The following USP20 variants were observed in gnomAD, a reference collection of about 807,000 sequenced individuals.
The protein encoded by USP20 is ubiquitin carboxyl-terminal hydrolase 20.
In USP20, 80 loss-of-function variants were observed where a neutral mutation model predicts 124.2. The observed-to-expected ratio is 0.64, with a 90% CI of 0.54 to 0.78. The LOEUF is 0.78. USP20 is among the 30% of genes least tolerant of loss of function. The pLI is 0.00. For synonymous variants in USP20, 481 were observed against 512.3 expected (o/e 0.94, Z 0.83); for missense variants, 1,043 against 1,244.4 (o/e 0.84, Z 2.44).
chr9:129,863,845 C>T (rs2417152), intron 9 of USP20, among the ~76,000 whole-genome samples: 131,274 of 151,960 alleles, frequency 0.86, 57,062 homozygotes, highest in East Asian at 0.98. Context: ...CAGTGGCTCA[C>T]GCCTGTAATC....
intron 1 of USP20, among the ~76,000 whole-genome samples, chr9:129,838,097 A>G (rs2031971143): frequency 6.7e-6 from 1 of 149,442 alleles, no homozygotes; most frequent in Non-Finnish European, 1.5e-5. Flanking sequence ...GCTGGAGTGC[A>G]GTGGTGCGAT....
In USP20 at chr9:129,870,538, G is replaced by T. The variant is rs751079542; in HGVS notation, c.1651G>T (p.Glu551Ter). The T allele has an allele frequency of 2.5e-5, 41 of 1,613,992 alleles. No homozygotes were observed. The highest frequency in any genetic ancestry group is 4.0e-5 in the African/African-American group (3 of 74,930). ...DCLAAFFAAD[E>*]LKGDNMYSCE... ...CCTTGCTGCCTTCTTTGCCGCTGATGAGTTAAAGGGTGAGGGGCCTGGCTG... is the reference window on the plus strand; with the variant it reads ...CCTTGCTGCCTTCTTTGCCGCTGATTAGTTAAAGGGTGAGGGGCCTGGCTG... Residue 551 changes from glutamate (E) to a stop codon, truncating the protein, a stop_gained, in exon 15 of 26, where the codon GAG becomes TAG. Transcript: ENST00000372429. LOFTEE classifies it high-confidence loss of function.
intron 9 of USP20, among the ~76,000 whole-genome samples, chr9:129,864,645 G>A (rs941383619): frequency 6.6e-5 from 10 of 151,192 alleles, no homozygotes; most frequent in Non-Finnish European, 1.0e-4. Flanking sequence ...ATGGTGGCGC[G>A]CACCTGTATT....
At chr9:129,868,835 C>T in intron 11 of USP20, 27 bp from the exon 12 acceptor site, 1 of 1,529,568 alleles carries the variant, frequency 6.5e-7, no homozygotes, top group Non-Finnish European at 8.8e-7. Flanking sequence ...CTGCCCTGGC[C>T]CAGCATGGTA....
intron 10 of USP20, 34 bp from the exon 11 acceptor site, chr9:129,867,971 A>G (rs1350491122): frequency 1.3e-6 from 2 of 1,588,898 alleles, no homozygotes; most frequent in East Asian, 2.2e-5. Context: ...TCCTGCCTCC[A>G]GGGGAGCCCT....
chr9:129,865,307 A>G lies in USP20; in HGVS notation c.616A>G (p.Ser206Gly). 1.2e-6 allele frequency: 2 copies of G among 1,614,132 alleles called. No homozygotes were observed. Residue 206 changes from serine (S) to glycine (G), a missense_variant, in exon 10 of 26, where the codon AGC becomes GGC. Ser to Gly is a moderately conservative substitution (Grantham distance 56). Coordinates refer to ENST00000372429, the MANE Select transcript of USP20 (RefSeq NM_001110303.4). ...VSEVWHKKRP[S>G]YVVPTSLSHG... ...ATGGGTTTGGGCTTCCTACAGGCCA[A>G]GCTACGTGGTCCCCACCAGTCTGTC...
intron 1 of USP20, among the ~76,000 whole-genome samples, chr9:129,840,893 C>A (rs1564194081): frequency 6.6e-6 from 1 of 151,696 alleles, no homozygotes; most frequent in East Asian, 1.9e-4. Flanking sequence ...ACCTCAGCCT[C>A]CCGAGTAGCT....
intron 22 of USP20, 87 bp downstream of exon 22, chr9:129,876,325 G>A (rs1277199337): frequency 4.4e-6 from 5 of 1,144,548 alleles, no homozygotes; most frequent in East Asian, 2.6e-5. Flanking sequence ...ATCCTGTGCA[G>A]TCCCTGAGCA....
chr9:129,866,293 G>A (rs1320385442), intron 10 of USP20, among the ~76,000 whole-genome samples: 1 of 152,238 alleles, frequency 6.6e-6, no homozygotes, highest in African/African-American at 2.4e-5. Context: ...TGCTTGAGAA[G>A]CTCAGCACTG....
intron 1 of USP20, among the ~76,000 whole-genome samples, chr9:129,844,788 C>T (rs2032442649): frequency 6.6e-6 from 1 of 151,204 alleles, no homozygotes; most frequent in East Asian, 1.9e-4. Context: ...AGGTATATAT[C>T]AAATTTATGA....
At chr9:129,863,393 C>T in intron 9 of USP20, 94 bp downstream of exon 9, 1 of 1,005,512 alleles carries the variant, frequency 9.9e-7, no homozygotes, top group Non-Finnish European at 1.4e-6. Context: ...ATTCAGCCCC[C>T]AGCGAGGACT....
chr9:129,874,675 C>G lies in USP20; in HGVS notation c.1840C>G (p.Pro614Ala), dbSNP rs1423700917. 6.2e-7 allele frequency: 1 copy of G among 1,613,988 alleles called. No individual in the cohort carries two copies. The highest frequency in any genetic ancestry group is 1.7e-5 in the Admixed American group (1 of 60,030). ...CCCCCTCGAGGGGCTCGACCTGCGC[C>G]CCTTCCTTGCCAAGGAGTGCACATC... ...SFPLEGLDLR[P>A]FLAKECTSQI... The change falls in exon 18 of 26, where the codon CCC (proline) becomes GCC (alanine). Residue 614 changes from proline to alanine, a missense_variant. Coordinates refer to ENST00000372429, the MANE Select transcript of USP20 (RefSeq NM_001110303.4).
intron 4 of USP20, 108 bp from the exon 5 acceptor site, chr9:129,857,942 C>T: frequency 1.0e-6 from 1 of 961,676 alleles, no homozygotes; most frequent in Admixed American, 1.8e-5. Context: ...CCTTGTGGCC[C>T]CTATTCAGGA....
Position 129,879,043 on chromosome 9 carries a change from C to T in USP20, c.2513-530C>T, listed in dbSNP as rs1488802737. On this transcript the variant is annotated intron_variant, in intron 23 of 25. Transcript: ENST00000372429. The surrounding 1 kb of genome is among the most constrained non-coding windows in gnomAD (Gnocchi z 4.2). ...TGGGAAGGGAGGCCTCATTGCCATC[C>T]CGCTAGTCGGGGAAGGTGCCAGGGC... Among the ~76,000 whole-genome samples, 3 of 152,226 alleles carry T rather than the reference C, an allele frequency of 2.0e-5. No individual in the cohort carries two copies. Among genetic ancestry groups the T allele is most frequent in the Non-Finnish European group, 4.4e-5 (3 of 68,040 alleles).
intron 3 of USP20, 94 bp downstream of exon 3, chr9:129,852,730 C>T (rs1053646874): frequency 8.0e-7 from 1 of 1,248,902 alleles, no homozygotes; most frequent in South Asian, 1.3e-5. Flanking sequence ...AAAACTGGTT[C>T]CCTGACAGTC....
chr9:129,874,072 AG>A (rs2034267278), intron 17 of USP20, among the ~76,000 whole-genome samples: 1 of 151,790 alleles, frequency 6.6e-6, no homozygotes, highest in Admixed American at 6.6e-5. Flanking sequence ...GAGTGGCGGG[AG>A]GAGAGCTGGT....
intron 8 of USP20, among the ~76,000 whole-genome samples, chr9:129,862,491 T>A (rs190635207): frequency 6.8e-6 from 1 of 146,380 alleles, no homozygotes; most frequent in African/African-American, 2.5e-5. Context: ...AGGCGGAGGT[T>A]GCAGTGAGCT....
At position 129,868,205 on chromosome 9, in the gene USP20, G is replaced by GC; in HGVS notation, c.892dup (p.Gln298ProfsTer19). On this transcript the variant is annotated frameshift_variant, in exon 11 of 26. Transcript: ENST00000372429. LOFTEE classifies it high-confidence loss of function. ...GCAGTGACCGGGGTGAGGGTGACGG[G>GC]CAGGGGCGTGGCGGGGGCAGCTCGC... 1 of 1,614,036 alleles carries GC rather than the reference G, an allele frequency of 6.2e-7. No homozygotes were observed. The highest frequency in any genetic ancestry group is 8.5e-7 in the Non-Finnish European group (1 of 1,179,940).
At chr9:129,875,083 A>G in intron 19 of USP20, 128 bp downstream of exon 19, 1 of 1,429,538 alleles carries the variant, frequency 7.0e-7, no homozygotes, top group Non-Finnish European at 9.2e-7. Context: ...TGGATTGTTA[A>G]GAAACAGCCC....
Sources: gnomAD v4.1 joint callset for allele counts (sites outside exome capture counted in the v4.1 genomes callset) on GRCh38, gnomAD v4.1.1 for gene constraint, Gnocchi (gnomAD v3.1) non-coding constraint, MANE v1.5 for transcripts, NCBI Gene and HGNC (gene_info 2026-07-23, HGNC 2026-07-21) for gene names.